FGF14: variants seen among roughly 807,000 people sequenced by gnomAD.
FGF14 encodes fibroblast growth factor homologous factor 4.
In FGF14, 5 loss-of-function variants were observed where a neutral mutation model predicts 25.5. That is an observed-to-expected ratio of 0.20 (90% CI 0.10 to 0.41). FGF14 has a LOEUF of 0.41. Ranked by LOEUF, FGF14 falls within the 10% of genes least tolerant of loss-of-function variation. FGF14 has a pLI of 1.00. For synonymous variants in FGF14, 138 were observed against 118.3 expected, an observed-to-expected ratio of 1.17 and a Z score of -1.08; for missense variants, 222 against 320.1, an observed-to-expected ratio of 0.69 and a Z score of 2.34.
chr13:101,736,533 T>C (rs979792643), intron 3 of FGF14, among the ~76,000 whole-genome samples: 1 of 152,190 alleles, frequency 6.6e-6, no homozygotes, highest in Non-Finnish European at 1.5e-5. Flanking sequence ...TTTTATGATA[T>C]TATCTTTCTA....
At chr13:101,859,086 A>G (rs1399059595) in intron 3 of FGF14, among the ~76,000 whole-genome samples, 1 of 152,140 alleles carries the variant, frequency 6.6e-6, no homozygotes, top group African/African-American at 2.4e-5. Flanking sequence ...AGAAATTGAC[A>G]TATCTTCTTT....
intron 3 of FGF14, among the ~76,000 whole-genome samples, chr13:101,757,499 T>A (rs528761182): frequency 1.2e-3 from 188 of 152,316 alleles, no homozygotes; most frequent in African/African-American, 4.3e-3. Flanking sequence ...TATTTAGAAA[T>A]TGAAAGTTAT....
At chr13:102,219,842 ATT>A (rs1420854574) in intron 1 of FGF14, among the ~76,000 whole-genome samples, 1 of 152,170 alleles carries the variant, frequency 6.6e-6, no homozygotes, top group Non-Finnish European at 1.5e-5. Context: ...ACCCAGGGAC[ATT>A]ACTTGTATTT....
intron 1 of FGF14, among the ~76,000 whole-genome samples, chr13:102,159,150 A>T (rs1170095819): frequency 6.6e-6 from 1 of 150,680 alleles, no homozygotes; most frequent in East Asian, 1.9e-4. Context: ...AAAAAAAAAA[A>T]AAAAAAAGAA....
At chr13:102,070,842 T>A (rs902908298) in intron 1 of FGF14, among the ~76,000 whole-genome samples, 2 of 152,172 alleles carry the variant, frequency 1.3e-5, no homozygotes, top group Non-Finnish European at 2.9e-5. Flanking sequence ...TATTTTCATA[T>A]CCTATTTTCA....
chr13:102,100,101 C>T (rs919839628), intron 1 of FGF14, among the ~76,000 whole-genome samples: 7 of 152,016 alleles, frequency 4.6e-5, no homozygotes, highest in African/African-American at 7.2e-5. Context: ...GACAAAAGTA[C>T]GGTATGATGC....
chr13:101,803,189 C>T (rs1172131070), intron 3 of FGF14, among the ~76,000 whole-genome samples: 1 of 149,400 alleles, frequency 6.7e-6, no homozygotes, highest in African/African-American at 2.5e-5. Context: ...AGTGCAGGAG[C>T]ATGATCACAG....
At chr13:101,919,305 G>T (rs1308933625), upstream of FGF14, among the ~76,000 whole-genome samples, 1 of 151,238 alleles carries the variant, frequency 6.6e-6, no homozygotes, top group East Asian at 1.9e-4. Context: ...TATTATCAAA[G>T]GCTTCTTGCA....
At chr13:102,063,684 C>A (rs1197634351) in intron 1 of FGF14, among the ~76,000 whole-genome samples, 2 of 151,672 alleles carry the variant, frequency 1.3e-5, no homozygotes, top group South Asian at 4.2e-4. Flanking sequence ...AAAAGAATGT[C>A]TTTTATGACT....
In FGF14 at chr13:102,229,495, T is replaced by C. The variant is rs527945692; in HGVS notation, c.208+171976A>G. 1.9e-4 allele frequency among the ~76,000 whole-genome samples: 29 copies of C among 152,318 alleles called. 1 individual carries two copies. The highest frequency in any genetic ancestry group is 1.8e-3 in the Admixed American group (28 of 15,296). On this transcript the variant is annotated intron_variant, in intron 1 of 4. Transcript: ENST00000376131. ...CATTATTCTTTCCACTATTTCTTGC[T>C]ACTGGTAAGGGTAGGTATAAAAGAT... is the stretch of plus-strand genomic sequence containing the variant.
intron 1 of FGF14, among the ~76,000 whole-genome samples, chr13:102,116,239 C>G (rs2045465185): frequency 6.6e-6 from 1 of 152,078 alleles, no homozygotes; most frequent in South Asian, 2.1e-4. Flanking sequence ...AAATTATAAT[C>G]CTTGTGCATT....
Position 101,711,119 on chromosome 13 carries a change from C to G in FGF14, c.*11712G>C, listed in dbSNP as rs898550163. On this transcript the variant is annotated 3_prime_UTR_variant, in exon 5 of 5. Transcript: ENST00000376143. Reference sequence around the variant, plus strand: ...CCGGGTCTTCCCTAAGCTTAGCTACCTTTGCAAAGTACATGATATAATTCA... The same window carrying G: ...CCGGGTCTTCCCTAAGCTTAGCTACGTTTGCAAAGTACATGATATAATTCA... 1.3e-5 allele frequency: 2 copies of G among 152,176 alleles called. No individual in the cohort carries two copies. The highest frequency in any genetic ancestry group is 4.8e-5 in the African/African-American group (2 of 41,442). The allele number at this position is 152,176 out of a possible 1,614,324, so 9.4% of individuals were successfully genotyped here. A position where few individuals can be genotyped will look rare whatever the true frequency, so the allele number is the denominator to read the frequency against.
intron 1 of FGF14, among the ~76,000 whole-genome samples, chr13:102,396,395 T>C (rs1262782167): frequency 6.6e-6 from 1 of 152,240 alleles, no homozygotes; most frequent in African/African-American, 2.4e-5. Flanking sequence ...TGCTTCCATT[T>C]TGAGACATCT....
chr13:102,075,414 A>G (rs913258907), intron 1 of FGF14, among the ~76,000 whole-genome samples: 1 of 152,188 alleles, frequency 6.6e-6, no homozygotes, highest in Non-Finnish European at 1.5e-5. Context: ...TAAGATTATA[A>G]TCAAGCTGAA....
chr13:102,166,397 T>C (rs1360394106), intron 1 of FGF14, among the ~76,000 whole-genome samples: 1 of 152,014 alleles, frequency 6.6e-6, no homozygotes. Context: ...TTCTCCGTCA[T>C]TAACAGACAA....
intron 1 of FGF14, among the ~76,000 whole-genome samples, chr13:102,186,459 C>A: frequency 6.6e-6 from 1 of 152,072 alleles, no homozygotes; most frequent in East Asian, 1.9e-4. Context: ...ACAACAACTA[C>A]AAAACTAAAA....
intron 1 of FGF14, among the ~76,000 whole-genome samples, chr13:101,970,865 C>A (rs2037549182): frequency 1.3e-5 from 2 of 152,184 alleles, no homozygotes; most frequent in Admixed American, 6.5e-5. Flanking sequence ...TACCAACCCT[C>A]CCATAGCCTG....
chr13:101,873,353 C>CTCAA (rs2045217075), intron 2 of FGF14, among the ~76,000 whole-genome samples: 1 of 152,058 alleles, frequency 6.6e-6, no homozygotes, highest in Non-Finnish European at 1.5e-5. Context: ...TTATTTTTCA[C>CTCAA]GTAGTCCAAT....
intron 3 of FGF14, among the ~76,000 whole-genome samples, chr13:101,743,434 T>A (rs114988077): frequency 0.012 from 1,788 of 152,246 alleles, 40 homozygotes; most frequent in African/African-American, 0.038. Context: ...TTAATTAATT[T>A]ATTTATTTTG....
Sources: gnomAD v4.1 joint callset for allele counts (sites outside exome capture counted in the v4.1 genomes callset) on GRCh38, gnomAD v4.1.1 for gene constraint, MANE v1.5 for transcripts, NCBI Gene and HGNC (gene_info 2026-07-23, HGNC 2026-07-21) for gene names.